SLC34A3: variants seen among roughly 807,000 people sequenced by gnomAD.
SLC34A3 encodes sodium-dependent phosphate transport protein 2C.
A neutral mutation model predicts 43.9 loss-of-function variants in SLC34A3; 60 were observed. That is an observed-to-expected ratio of 1.37 (90% CI 1.11 to 1.70). The LOEUF is 1.70. Ranked by LOEUF, SLC34A3 falls within the 40% of genes most tolerant of loss-of-function variation. The pLI is 0.00. For missense variants in SLC34A3, 969 were observed against 823.8 expected, an observed-to-expected ratio of 1.18 and a Z score of -2.16; for synonymous variants, 451 against 386.2, an observed-to-expected ratio of 1.17 and a Z score of -1.97.
At position 137,233,019 on chromosome 9, in the gene SLC34A3, T is replaced by C. The variant is rs747538682; in HGVS notation, c.464T>C (p.Val155Ala). Residue 155 changes from valine (V) to alanine (A), a missense_variant, in exon 6 of 13, where the codon GTG becomes GCG. Val to Ala is a moderately conservative substitution (Grantham distance 64, BLOSUM62 0). Transcript: ENST00000673835. ...MVAAKLLTVR[V>A]SVPIIMGVNV... ...CCACCAGCAGTGCTGACTGTCCGGG[T>C]GTCTGTGCCCATCATCATGGGTGTC... is the stretch of plus-strand genomic sequence containing the variant. 6 of 1,611,694 alleles carry C rather than the reference T, an allele frequency of 3.7e-6. No individual in the cohort carries two copies. The highest frequency in any genetic ancestry group is 2.2e-5 in the East Asian group (1 of 44,848).
intron 5 of SLC34A3, 21 bp downstream of exon 5, chr9:137,232,948 C>T (rs376025501): frequency 1.3e-4 from 144 of 1,100,232 alleles, no homozygotes; most frequent in Middle Eastern, 4.5e-4. Context: ...ACTCCCTCCC[C>T]GGGTGGTGGG....
At position 137,232,721 on chromosome 9, in the gene SLC34A3, T is replaced by G. The variant is rs748511004; in HGVS notation, c.304+18T>G. The G allele has an allele frequency of 1.1e-5, 17 of 1,612,756 alleles. 1 individual carries two copies. The African/African-American group carries it at 1.5e-4, about 14-fold the overall frequency. On this transcript the variant is annotated intron_variant, in intron 4 of 12. Transcript: ENST00000673835. ...GCTGGGCAGTGAGTGACGGGACGGG[T>G]GCCCAGGGCGGGGCGGGCAACCAGC...
Position 137,233,705 on chromosome 9 carries a change from G to A in SLC34A3, c.829G>A (p.Gly277Ser), listed in dbSNP as rs201328846. 3.3e-5 allele frequency: 54 copies of A among 1,612,576 alleles called. No homozygotes were observed. The highest frequency in any genetic ancestry group is 1.7e-4 in the Middle Eastern group (1 of 6,006). The change falls in exon 8 of 13, where the codon GGC becomes AGC. Residue 277 changes from glycine (G) to serine (S), a missense_variant. Gly to Ser is a moderately conservative substitution (Grantham distance 56, BLOSUM62 0). Coordinates refer to ENST00000673835, the MANE Select transcript of SLC34A3 (RefSeq NM_001177316.2). ...CAGCAGTCTCATTAAGCACTGGTGC[G>A]GCACCACGGGGCAGCCGGTGAGGCA... Reference protein sequence around the residue: ...TNSSLIKHWCGTTGQPTQENS... With the variant: ...TNSSLIKHWCSTTGQPTQENS...
In SLC34A3 at chr9:137,233,209, G is replaced by A. The variant is rs1260778090; in HGVS notation, c.561G>A (p.Arg187=). ...AQSGDRDEFQ[R]AFSGSAVHGI... ...CCCTGCCCACTCTCTGCGGCCACAG[G>A]GCTTTCAGCGGCTCGGCGGTGCACG... The change falls in exon 7 of 13, where the codon AGG becomes AGA. Residue 187 remains arginine, a splice_region_variant and synonymous_variant. Transcript: ENST00000673835. The A allele has an allele frequency of 2.9e-5, 46 of 1,576,750 alleles. No individual in the cohort carries two copies. The highest frequency in any genetic ancestry group is 3.9e-5 in the Non-Finnish European group (45 of 1,161,738).
intron 8 of SLC34A3, 57 bp downstream of exon 8, chr9:137,233,779 T>TTGGGGGCCCCCC: frequency 1.0e-5 from 15 of 1,445,632 alleles, no homozygotes; most frequent in South Asian, 2.3e-5. Flanking sequence ...TGCTGAGTCA[T>TTGGGGGCCCCCC]CCCGCCCCAC....
Position 137,232,940 on chromosome 9 carries a change from T to A in SLC34A3, c.448+13T>A. The A allele has an allele frequency of 8.8e-7, 1 of 1,142,606 alleles. No homozygotes were observed. The highest frequency in any genetic ancestry group is 1.2e-6 in the Non-Finnish European group (1 of 800,044). 70.8% of individuals were successfully genotyped at this position (1,142,606 alleles called of 1,614,324 possible). On this transcript the variant is annotated intron_variant, in intron 5 of 12. Coordinates refer to ENST00000673835, the MANE Select transcript of SLC34A3 (RefSeq NM_001177316.2). ...GTGGCTGCTAAGCGTGGGTGCACAC[T>A]CCCTCCCCGGGTGGTGGGGGGGGCA...
intron 7 of SLC34A3, 85 bp from the exon 8 acceptor site, chr9:137,233,548 C>G: frequency 6.4e-7 from 1 of 1,554,536 alleles, no homozygotes; most frequent in South Asian, 1.1e-5. Flanking sequence ...GTGGGCAGGG[C>G]TGGGCTGGAC....
rs1436851033 is a variant in SLC34A3 at position 137,232,674 on chromosome 9, T to A, written c.275T>A (p.Val92Asp). 2 of 1,612,708 alleles carry A rather than the reference T, an allele frequency of 1.2e-6. No homozygotes were observed. The highest frequency in any genetic ancestry group is 1.7e-6 in the Non-Finnish European group (2 of 1,179,932). The change falls in exon 4 of 13, where the codon GTC (valine) becomes GAC (aspartate). Residue 92 changes from valine (V) to aspartate (D), a missense_variant. Physicochemically the swap from Val to Asp is radical, Grantham distance 152. Coordinates refer to ENST00000673835, the MANE Select transcript of SLC34A3 (RefSeq NM_001177316.2). ...TACTTCTTCATCTGCTCTCTGGACG[T>A]CCTCAGCTCCGCCTTCCAGCTGCTG... ...SLYFFICSLD[V>D]LSSAFQLLGS...
intron 8 of SLC34A3, 57 bp downstream of exon 8, chr9:137,233,779 T>TACCCCCCCC: frequency 9.7e-6 from 14 of 1,445,818 alleles, no homozygotes; most frequent in South Asian, 3.5e-5. Context: ...TGCTGAGTCA[T>TACCCCCCCC]CCCGCCCCAC....
chr9:137,232,016 C>G, intron 2 of SLC34A3, 56 bp from the exon 3 acceptor site: 1 of 1,540,446 alleles, frequency 6.5e-7, no homozygotes, highest in Non-Finnish European at 9.0e-7. Context: ...GCCCTTGTGC[C>G]CCCAGTTGGA....
At chr9:137,233,425 CG>C in intron 7 of SLC34A3, 21 bp downstream of exon 7, 1 of 1,592,606 alleles carries the variant, frequency 6.3e-7, no homozygotes, top group Non-Finnish European at 8.5e-7. Flanking sequence ...CCACCGCCCC[CG>C]CCCAGAGAGC....
rs1836457140 is a variant in SLC34A3, at chr9:137,234,331, A to C, written c.1093+55A>C. 5.0e-6 allele frequency: 8 copies of C among 1,603,000 alleles called. No individual in the cohort carries two copies. In the South Asian group the frequency reaches 7.7e-5, roughly 15 times the overall value. ...AGGGCTGACCCAGCATCCCCCATAG[A>C]CTTCCCCTTCCCACCAGGCTGACTC... On this transcript the variant is annotated intron_variant, in intron 10 of 12. Coordinates refer to ENST00000673835, the MANE Select transcript of SLC34A3 (RefSeq NM_001177316.2). The surrounding 1 kb of genome is among the most constrained non-coding windows in gnomAD (Gnocchi z 6.9).
In SLC34A3 at chr9:137,234,206, C is replaced by T. The variant is rs1478387696; in HGVS notation, c.1023C>T (p.Leu341=). Reference sequence around the variant, plus strand: ...TGGTGCTCTGCGGCTGCCTGGTCCTCATAGTCAAGCTGCTCAACTCTGTGC... The same window carrying T: ...TGGTGCTCTGCGGCTGCCTGGTCCTTATAGTCAAGCTGCTCAACTCTGTGC... ...SLLVLCGCLV[L]IVKLLNSVLR... is the part of the protein sequence containing the mutation. Residue 341 remains leucine, a synonymous_variant, in exon 10 of 13, where the codon CTC becomes CTT. Transcript: ENST00000673835. The surrounding 1 kb of genome is among the most constrained non-coding windows in gnomAD (Gnocchi z 6.9). 8 of 1,607,786 alleles carry T rather than the reference C, an allele frequency of 5.0e-6. No homozygotes were observed. The East Asian group carries it at 6.7e-5, about 13-fold the overall frequency.
Position 137,231,696 on chromosome 9 carries a change from G to A in SLC34A3, c.-7G>A, listed in dbSNP as rs200967762. 2.3e-4 allele frequency: 368 copies of A among 1,612,738 alleles called. 1 individual carries two copies. The African/African-American group carries it at 4.2e-3, about 19-fold the overall frequency. ...CCTGGGCCTGGGTCTGTCCCTGCCC[G>A]AAATCCATGCCGAGTTCCCTTCCCG... On this transcript the variant is annotated 5_prime_UTR_variant, in exon 2 of 13. Transcript: ENST00000673835.
chr9:137,232,226 C>T (rs936772912), intron 3 of SLC34A3, 65 bp downstream of exon 3: 1 of 1,492,952 alleles, frequency 6.7e-7, no homozygotes, highest in Non-Finnish European at 9.3e-7. Flanking sequence ...ACTGGGGAGA[C>T]AGAGCAGGGT....
intron 1 of SLC34A3, 106 bp downstream of exon 1, chr9:137,231,044 G>A (rs1836184416): frequency 6.5e-6 from 1 of 154,626 alleles, no homozygotes. Context: ...AGGACCCAAG[G>A]GCAAGAGACG....
Position 137,234,785 on chromosome 9 carries a change from C to G in SLC34A3, c.1335+54C>G. 1 of 1,599,046 alleles carries G rather than the reference C, an allele frequency of 6.3e-7. No homozygotes were observed. The highest frequency in any genetic ancestry group is 8.5e-7 in the Non-Finnish European group (1 of 1,179,542). The stretch of plus-strand genomic sequence containing the variant: ...ACTGGCCAGCTTCCTCTCAGCCCCA[C>G]AGACAGGAGTGTGTCACCAGCCCCG... On this transcript the variant is annotated intron_variant, in intron 12 of 12. Coordinates refer to ENST00000673835, the MANE Select transcript of SLC34A3 (RefSeq NM_001177316.2). This position sits in a 1 kb window ranked among gnomAD's most constrained non-coding sequence, Gnocchi z 6.9.
At position 137,234,256 on chromosome 9, in the gene SLC34A3, T is replaced by C; in HGVS notation, c.1073T>C (p.Val358Ala). The C allele has an allele frequency of 6.2e-7, 1 of 1,610,976 alleles. No individual in the cohort carries two copies. The highest frequency in any genetic ancestry group is 1.3e-5 in the African/African-American group (1 of 74,978). Residue 358 changes from valine to alanine, a missense_variant, in exon 10 of 13, where the codon GTG (valine) becomes GCG (alanine). Coordinates refer to ENST00000673835, the MANE Select transcript of SLC34A3 (RefSeq NM_001177316.2). This position sits in a 1 kb window ranked among gnomAD's most constrained non-coding sequence, Gnocchi z 6.9. ...CTGCGCGGCCGCGTGGCCCAGGTCG[T>C]GAGGACAGTCATCAATGCGGGTGAG... is the stretch of plus-strand genomic sequence containing the variant. Reference protein sequence around the residue: ...SVLRGRVAQVVRTVINADFPF... With the variant: ...SVLRGRVAQVARTVINADFPF...
At chr9:137,232,948 CG>C (rs773697258) in intron 5 of SLC34A3, 21 bp downstream of exon 5, 31 of 1,100,232 alleles carry the variant, frequency 2.8e-5, no homozygotes, top group Non-Finnish European at 3.1e-5. Flanking sequence ...ACTCCCTCCC[CG>C]GGTGGTGGGG....
Sources: gnomAD v4.1 joint callset for allele counts on GRCh38, gnomAD v4.1.1 for gene constraint, Gnocchi (gnomAD v3.1) non-coding constraint, MANE v1.5 for transcripts, NCBI Gene and HGNC (gene_info 2026-07-23, HGNC 2026-07-21) for gene names.